LDAF1: variants seen among roughly 807,000 people sequenced by gnomAD.
LDAF1 encodes the protein lipid droplet assembly factor 1.
Under a neutral mutation model 13.5 loss-of-function variants are expected in LDAF1, and 7 were observed. The ratio of observed to expected loss-of-function variants is 0.52; its 90% CI spans 0.29 to 0.97. LDAF1 has a LOEUF of 0.97. Among genes scored for constraint, LDAF1 ranks in the 50% least tolerant of loss-of-function variants. LDAF1 has a pLI of 0.07. For synonymous variants in LDAF1, 69 were observed against 77.1 expected, an observed-to-expected ratio of 0.89 and a Z score of 0.55; for missense variants, 148 against 193.2, an observed-to-expected ratio of 0.77 and a Z score of 1.39.
Position 21,180,570 on chromosome 16 carries a change from G to T in LDAF1, c.*1014G>T, listed in dbSNP as rs2093173188. ...CATTTCTTAAAATAAAAATGCTAAA[G>T]GACTAGTAAGTAAAAATAAAACTTC... On this transcript the variant is annotated 3_prime_UTR_variant, in exon 5 of 5. Transcript: ENST00000233047. 1 of 152,128 alleles carries T rather than the reference G, an allele frequency of 6.6e-6. No individual in the cohort carries two copies. Among genetic ancestry groups the T allele is most frequent in the South Asian group, 2.1e-4 (1 of 4,828 alleles). The allele number at this position is 152,128 out of a possible 1,614,324, so 9.4% of individuals were successfully genotyped here. A position where few individuals can be genotyped will look rare whatever the true frequency, so the allele number is the denominator to read the frequency against.
intron 2 of LDAF1, among the ~76,000 whole-genome samples, chr16:21,168,572 A>ATATAATATATTTATATAATATATAAT (rs2093049100): frequency 6.9e-6 from 1 of 144,046 alleles, no homozygotes; most frequent in Non-Finnish European, 1.5e-5. Context: ...ACATATATAA[A>ATATAATATATTTATATAATATATAAT]TATAATATAT....
chr16:21,161,359 C>A, intron 2 of LDAF1, 81 bp downstream of exon 2: 2 of 1,492,524 alleles, frequency 1.3e-6, no homozygotes, highest in East Asian at 2.3e-5. Flanking sequence ...TTTCTTTCTC[C>A]AGTAGAAGGA....
At chr16:21,159,061 C>T (rs1042019365) in intron 1 of LDAF1, among the ~76,000 whole-genome samples, 1 of 151,806 alleles carries the variant, frequency 6.6e-6, no homozygotes, top group Non-Finnish European at 1.5e-5. Flanking sequence ...TAGCTAGCAC[C>T]ACCACACCCC....
chr16:21,178,088 A>G (rs2093155566), intron 4 of LDAF1: 1 of 542,378 alleles, frequency 1.8e-6, no homozygotes, highest in Non-Finnish European at 2.4e-6. Flanking sequence ...GAAAAGAAAA[A>G]GGAAACAAAA....
chr16:21,159,355 GGTCTC>G (rs760413086), intron 1 of LDAF1: 1 of 1,614,030 alleles, frequency 6.2e-7, no homozygotes, highest in Non-Finnish European at 8.5e-7. Context: ...CCTCTCCTTG[GGTCTC>G]CCTGGCTTTT....
In LDAF1 at chr16:21,176,132, G is replaced by A. The variant is rs148404087; in HGVS notation, c.404+1984G>A. ...TGAAATAAAATTCCTCCCTGCCTCT[G>A]AACGCTGCTGTAACAGGGTGAGTTC... On this transcript the variant is annotated intron_variant, in intron 4 of 4. Coordinates refer to ENST00000233047, the MANE Select transcript of LDAF1 (RefSeq NM_001301771.2). Among the ~76,000 whole-genome samples the A allele has an allele frequency of 8.5e-5, 13 of 152,298 alleles. No individual in the cohort carries two copies. In the East Asian group the frequency reaches 2.3e-3, roughly 27 times the overall value.
intron 2 of LDAF1, chr16:21,169,099 G>T: frequency 4.8e-6 from 4 of 835,868 alleles, no homozygotes; most frequent in Non-Finnish European, 4.3e-6. Context: ...CTTTAATAAT[G>T]CTTTTAATAA....
intron 2 of LDAF1, among the ~76,000 whole-genome samples, chr16:21,166,546 A>G (rs2093025860): frequency 6.6e-6 from 1 of 152,340 alleles, no homozygotes; most frequent in East Asian, 1.9e-4. Context: ...GGGATAAGCT[A>G]GCAAGCCCAG....
At chr16:21,159,478 A>T in intron 1 of LDAF1, 2 of 1,598,014 alleles carry the variant, frequency 1.3e-6, no homozygotes, top group Non-Finnish European at 1.7e-6. Flanking sequence ...TCCCAGCTTG[A>T]ACTTTCGAGG....
At chr16:21,170,725 CA>C in intron 3 of LDAF1, 120 bp downstream of exon 3, 1 of 1,212,156 alleles carries the variant, frequency 8.2e-7, no homozygotes, top group African/African-American at 1.5e-5. Context: ...AGGCTGGTCT[CA>C]AACTCCTGGG....
At chr16:21,165,538 C>T in intron 2 of LDAF1, 2 of 965,648 alleles carry the variant, frequency 2.1e-6, no homozygotes, top group Non-Finnish European at 1.2e-6. Context: ...TTTGTCATTC[C>T]ACTTTCATAC....
intron 2 of LDAF1, among the ~76,000 whole-genome samples, chr16:21,164,071 G>C (rs900905288): frequency 1.3e-5 from 2 of 152,106 alleles, no homozygotes; most frequent in African/African-American, 4.8e-5. Flanking sequence ...ATCATTGATT[G>C]TTTTTTGCAT....
chr16:21,169,915 C>CT (rs11439771), intron 2 of LDAF1, among the ~76,000 whole-genome samples: 66,208 of 140,782 alleles, frequency 0.47, 15,849 homozygotes, highest in East Asian at 0.69. Flanking sequence ...GTTGTAGTGA[C>CT]TTTTTTTTTT....
At chr16:21,179,412 C>T (rs2093164666) in intron 4 of LDAF1, 63 bp from the exon 5 acceptor site, 3 of 1,612,998 alleles carry the variant, frequency 1.9e-6, no homozygotes, top group South Asian at 1.1e-5. Flanking sequence ...CAGCTATGCA[C>T]ACTTCCAACG....
At chr16:21,162,311 G>A (rs1366891721) in intron 2 of LDAF1, among the ~76,000 whole-genome samples, 1 of 151,932 alleles carries the variant, frequency 6.6e-6, no homozygotes, top group East Asian at 1.9e-4. Context: ...CCCCCCGTGC[G>A]CATATTTTAC....
intron 1 of LDAF1, chr16:21,160,853 G>C (rs148491652): frequency 3.7e-6 from 1 of 267,354 alleles, no homozygotes; most frequent in Admixed American, 5.0e-5. Flanking sequence ...GTTATAAACA[G>C]GGATGCAATG....
At chr16:21,167,696 G>GTTTTTTGTTTTTT (rs1555584381) in intron 2 of LDAF1, among the ~76,000 whole-genome samples, 1 of 89,092 alleles carries the variant, frequency 1.1e-5, no homozygotes, top group Non-Finnish European at 2.0e-5. Flanking sequence ...CCTTAGGTTT[G>GTTTTTTGTTTTTT]TTTTTTTTTT....
chr16:21,167,539 G>A (rs565848181), intron 2 of LDAF1, among the ~76,000 whole-genome samples: 5 of 152,196 alleles, frequency 3.3e-5, no homozygotes, highest in East Asian at 1.9e-4. Flanking sequence ...CTTTTTGCCC[G>A]GTGAAGGAAA....
chr16:21,166,818 T>C (rs1597540571), intron 2 of LDAF1: 1 of 1,535,202 alleles, frequency 6.5e-7, no homozygotes, highest in South Asian at 1.2e-5. Context: ...CCACGGCTCC[T>C]CCGCCTCTCT....
Sources: allele counts gnomAD v4.1 joint callset (sites outside exome capture counted in the v4.1 genomes callset), GRCh38; gene constraint gnomAD v4.1.1; transcripts MANE v1.5; gene names NCBI Gene and HGNC (gene_info 2026-07-23, HGNC 2026-07-21).